DHX35: variants seen among roughly 807,000 people sequenced by gnomAD.
The protein encoded by DHX35 is probable ATP-dependent RNA helicase DHX35.
DHX35 carries 84 observed loss-of-function variants against 99.6 expected under a neutral mutation model. That is an observed-to-expected ratio of 0.84 (90% CI 0.71 to 1.01). The LOEUF (loss-of-function observed/expected upper bound fraction) is 1.01. DHX35 is among the 50% of genes least tolerant of loss of function. DHX35 has a pLI of 0.00. For missense variants in DHX35, 852 were observed against 888.5 expected (o/e 0.96, Z 0.52); for synonymous variants, 331 against 316.2 (o/e 1.05, Z -0.50).
intron 15 of DHX35, among the ~76,000 whole-genome samples, 189 bp downstream of exon 15, chr20:39,019,088 T>C (rs769574655): frequency 3.9e-5 from 6 of 152,230 alleles, no homozygotes; most frequent in African/African-American, 4.8e-5. Context: ...GTTCACATTG[T>C]TGTGCAACCA....
intron 2 of DHX35, among the ~76,000 whole-genome samples, chr20:38,970,957 T>A (rs2085986912): frequency 6.6e-6 from 1 of 151,922 alleles, no homozygotes; most frequent in Admixed American, 6.6e-5. Flanking sequence ...ACAGTTGAGA[T>A]CTTATAAGAT....
Position 39,030,746 on chromosome 20 carries a change from A to G in DHX35, c.1926A>G (p.Ser642=). Residue 642 remains serine, a synonymous_variant, in exon 20 of 22, where the codon TCA becomes TCG. Coordinates refer to ENST00000252011, the MANE Select transcript of DHX35 (RefSeq NM_021931.4). The part of the protein sequence containing the change: ...DDHELHIHPA[S]VLYAEKPPRW... ...ATGAGCTGCACATACACCCTGCGTC[A>G]GTCCTCTATGCAGAGAAGCCGCCTC... is the stretch of plus-strand genomic sequence containing the variant. 6.2e-7 allele frequency: 1 copy of G among 1,614,192 alleles called. No homozygotes were observed. The highest frequency in any genetic ancestry group is 8.5e-7 in the Non-Finnish European group (1 of 1,180,038).
At chr20:38,971,994 G>GTTTTTTTTTTTTTTTTTTTT (rs1568714388) in intron 2 of DHX35, among the ~76,000 whole-genome samples, 1 of 112,044 alleles carries the variant, frequency 8.9e-6, no homozygotes, top group Non-Finnish European at 1.9e-5. Context: ...TGTTTTTTTT[G>GTTTTTTTTTTTTTTTTTTTT]TTTTGTTTTG....
intron 15 of DHX35, among the ~76,000 whole-genome samples, chr20:39,021,299 G>GC (rs2086868686): frequency 1.3e-5 from 2 of 152,126 alleles, no homozygotes; most frequent in African/African-American, 4.8e-5. Context: ...AGGGTAGGGA[G>GC]CAGGTGCGGA....
chr20:38,988,647 A>T (rs1056208231), intron 4 of DHX35, 166 bp from the exon 5 acceptor site: 15 of 946,248 alleles, frequency 1.6e-5, no homozygotes, highest in East Asian at 6.8e-5. Flanking sequence ...ATAATAATAA[A>T]AATTGCAAAA....
chr20:38,982,863 A>G (rs1234365797), intron 3 of DHX35, among the ~76,000 whole-genome samples: 1 of 152,232 alleles, frequency 6.6e-6, no homozygotes, highest in Admixed American at 6.5e-5. Context: ...TTAAGTGCAT[A>G]TAATCAAATA....
In DHX35 at chr20:39,021,795, T is replaced by C. The variant is rs374739697; in HGVS notation, c.1499-46T>C. ...ATCAGAAAATGTCTTTCACTTCTTG[T>C]TGGCACATTATATGGTTGAAACCAA... On this transcript the variant is annotated intron_variant, in intron 15 of 21. Transcript: ENST00000252011. 5.8e-5 allele frequency: 91 copies of C among 1,575,452 alleles called. No homozygotes were observed. The African/African-American group carries it at 1.1e-3, about 20-fold the overall frequency.
intron 5 of DHX35, among the ~76,000 whole-genome samples, chr20:38,990,844 T>C (rs2086327180): frequency 6.6e-6 from 1 of 152,120 alleles, no homozygotes; most frequent in African/African-American, 2.4e-5. Flanking sequence ...TCACATTAAC[T>C]TGGTGAGGTA....
chr20:38,991,497 C>T lies in DHX35; in HGVS notation c.494C>T (p.Pro165Leu), dbSNP rs753677815. The T allele has an allele frequency of 8.7e-6, 14 of 1,612,996 alleles. No homozygotes were observed. Among genetic ancestry groups the T allele is most frequent in the South Asian group, 1.1e-5 (1 of 90,890 alleles). The change falls in exon 6 of 22, where the codon CCG becomes CTG. Residue 165 changes from proline (P) to leucine (L), a missense_variant. By Grantham distance (98) the Pro-to-Leu change is moderately conservative. Coordinates refer to ENST00000252011, the MANE Select transcript of DHX35 (RefSeq NM_021931.4). ...GMLVREMMVD[P>L]LLTKYSVIML... ...CTGGTCAGGGAAATGATGGTTGATC[C>T]GTTGTTAACAAAATATAGGTAAATG...
At chr20:39,024,356 A>G (rs990466034) in intron 17 of DHX35, among the ~76,000 whole-genome samples, 2 of 152,262 alleles carry the variant, frequency 1.3e-5, no homozygotes, top group African/African-American at 2.4e-5. Context: ...GTAACCTTAC[A>G]TAAAAGAAAG....
At chr20:38,968,697 A>G (rs574366600) in intron 1 of DHX35, among the ~76,000 whole-genome samples, 1 of 151,864 alleles carries the variant, frequency 6.6e-6, no homozygotes, top group Non-Finnish European at 1.5e-5. Context: ...ACAGACACAC[A>G]CCGCCATGCA....
At chr20:38,994,033 A>C (rs967145531) in intron 7 of DHX35, among the ~76,000 whole-genome samples, 18 of 152,174 alleles carry the variant, frequency 1.2e-4, no homozygotes, top group Non-Finnish European at 2.4e-4. Context: ...CAGTGGGTAC[A>C]CTGTGTACCT....
At chr20:38,984,980 C>T (rs1170645122) in intron 4 of DHX35, among the ~76,000 whole-genome samples, 1 of 151,848 alleles carries the variant, frequency 6.6e-6, no homozygotes, top group African/African-American at 2.4e-5. Context: ...TCCCTGCAAA[C>T]TGCAGACTTT....
intron 4 of DHX35, among the ~76,000 whole-genome samples, chr20:38,988,023 G>A (rs564454758): frequency 5.1e-4 from 78 of 152,240 alleles, no homozygotes; most frequent in African/African-American, 1.9e-3. Flanking sequence ...CGGGGGATGG[G>A]TTTTCTTTTC....
chr20:38,978,258 A>T (rs781599561), intron 3 of DHX35: 64 of 789,528 alleles, frequency 8.1e-5, no homozygotes, highest in Non-Finnish European at 1.3e-4. Flanking sequence ...TGTGCAATTC[A>T]TCCTTTGCAC....
At chr20:39,027,768 G>C (rs1340729914) in intron 18 of DHX35, among the ~76,000 whole-genome samples, 1 of 152,178 alleles carries the variant, frequency 6.6e-6, no homozygotes, top group African/African-American at 2.4e-5. Flanking sequence ...ATTAAAGTTA[G>C]AAAAAGAGCG....
At chr20:39,016,822 G>T (rs1302249811) in intron 14 of DHX35, among the ~76,000 whole-genome samples, 1 of 150,332 alleles carries the variant, frequency 6.7e-6, no homozygotes, top group Non-Finnish European at 1.5e-5. Context: ...CTTCTTTGGA[G>T]AAAAGTCTGT....
Position 39,023,753 on chromosome 20 carries a change from G to A in DHX35, c.1657G>A (p.Glu553Lys). 1 of 1,613,854 alleles carries A rather than the reference G, an allele frequency of 6.2e-7. No individual in the cohort carries two copies. Among genetic ancestry groups the A allele is most frequent in the Non-Finnish European group, 8.5e-7 (1 of 1,179,766 alleles). ...CCACCTCACTATGCTCAATATATAT[G>A]AAGCATTTATCAAAGTAAGCACAAC... Reference protein sequence around the residue: ...GDHLTMLNIYEAFIKHNKDSK... With the variant: ...GDHLTMLNIYKAFIKHNKDSK... Residue 553 changes from glutamate to lysine, a missense_variant, in exon 17 of 22, where the codon GAA becomes AAA. Glu to Lys is a moderately conservative substitution (Grantham distance 56, BLOSUM62 1). Coordinates refer to ENST00000252011, the MANE Select transcript of DHX35 (RefSeq NM_021931.4).
intron 3 of DHX35, chr20:38,978,026 C>T (rs1441300026): frequency 1.4e-6 from 1 of 726,970 alleles, no homozygotes; most frequent in South Asian, 1.4e-5. Context: ...AAGAATTTCA[C>T]ATCTTCTTCC....
Sources: allele counts gnomAD v4.1 joint callset (sites outside exome capture counted in the v4.1 genomes callset), GRCh38; gene constraint gnomAD v4.1.1; transcripts MANE v1.5; gene names NCBI Gene and HGNC (gene_info 2026-07-23, HGNC 2026-07-21).